ADAP2: variants seen among roughly 807,000 people sequenced by gnomAD.
The protein encoded by ADAP2 is arf-GAP with dual PH domain-containing protein 2.
In ADAP2, 42 loss-of-function variants were observed where a neutral mutation model predicts 54.9. That is an observed-to-expected ratio of 0.77 (90% CI 0.60 to 0.99). The LOEUF is 0.99. ADAP2 is among the 50% of genes least tolerant of loss of function. The probability of loss-of-function intolerance (pLI) is 0.00; values close to 1 mark genes in which losing one functional copy is unlikely to be tolerated. For missense variants in ADAP2, 429 were observed against 480.4 expected (o/e 0.89, Z 1.00); for synonymous variants, 177 against 180.1 (o/e 0.98, Z 0.14).
chr17:30,925,454 G>A (rs1910969124), intron 2 of ADAP2, among the ~76,000 whole-genome samples: 1 of 152,104 alleles, frequency 6.6e-6, no homozygotes, highest in Non-Finnish European at 1.5e-5. Flanking sequence ...GCCTCCCAAA[G>A]TGCTGGGATT....
rs1905054181 is a variant in ADAP2, at chr17:30,956,229, C to T, written c.883-12C>T. On this transcript the variant is annotated splice_polypyrimidine_tract_variant and intron_variant, in intron 9 of 10. Coordinates refer to ENST00000330889, the MANE Select transcript of ADAP2 (RefSeq NM_018404.3). The stretch of plus-strand genomic sequence containing the variant: ...GGGCACCCTCTGATGACCCTGTACT[C>T]TCCATTTTCAGGATGCCTTCGAGCA... 3 of 1,613,654 alleles carry T rather than the reference C, an allele frequency of 1.9e-6. No individual in the cohort carries two copies. The highest frequency in any genetic ancestry group is 2.2e-5 in the South Asian group (2 of 91,068).
chr17:30,938,964 A>C (rs1912073585), intron 5 of ADAP2, among the ~76,000 whole-genome samples: 1 of 152,148 alleles, frequency 6.6e-6, no homozygotes, highest in African/African-American at 2.4e-5. Flanking sequence ...GTACCCCATA[A>C]ATTTGTATAA....
intron 6 of ADAP2, among the ~76,000 whole-genome samples, chr17:30,947,632 C>T (rs1454513475): frequency 1.3e-5 from 2 of 152,150 alleles, no homozygotes; most frequent in African/African-American, 2.4e-5. Flanking sequence ...GGATTACAGG[C>T]GTGAGCCACT....
At chr17:30,952,367 C>T (rs1029473571) in intron 7 of ADAP2, among the ~76,000 whole-genome samples, 1 of 152,112 alleles carries the variant, frequency 6.6e-6, no homozygotes, top group African/African-American at 2.4e-5. Context: ...GCATCATTTT[C>T]TTTTCTTTTT....
chr17:30,949,771 A>G lies in ADAP2; in HGVS notation c.741+401A>G, dbSNP rs527720785. On this transcript the variant is annotated intron_variant, in intron 7 of 10. Coordinates refer to ENST00000330889, the MANE Select transcript of ADAP2 (RefSeq NM_018404.3). ...CTCAAAAAAAAAAAAAAAAAAAAAG[A>G]AGAAGAAGCCAGACTAGTTTTGTTT... 2.1e-5 allele frequency among the ~76,000 whole-genome samples: 3 copies of G among 142,838 alleles called. No homozygotes were observed. In the South Asian group the frequency reaches 6.4e-4, roughly 31 times the overall value. 93.7% of individuals were successfully genotyped at this position (142,838 alleles called of 152,430 possible).
chr17:30,925,726 G>A (rs911362519), intron 2 of ADAP2, among the ~76,000 whole-genome samples: 2 of 151,558 alleles, frequency 1.3e-5, no homozygotes, highest in Admixed American at 6.6e-5. Context: ...CTCCTGAGTA[G>A]CTAGGATTAC....
Position 30,921,987 on chromosome 17 carries a change from G to C in ADAP2, c.-28G>C. 1 of 1,256,076 alleles carries C rather than the reference G, an allele frequency of 8.0e-7. No individual in the cohort carries two copies. The allele number at this position is 1,256,076 out of a possible 1,614,324, so 77.8% of individuals were successfully genotyped here. On this transcript the variant is annotated 5_prime_UTR_variant, in exon 1 of 11. It removes the in-frame stop codon of an upstream open reading frame in the 5' UTR. Transcript: ENST00000330889. ...GGGCGGAGCGCACGGGCCATGGGCT[G>C]AGCCCCGCTGAGCCCGCCGGGCCGG...
chr17:30,931,734 T>C (rs1387301576), intron 3 of ADAP2, among the ~76,000 whole-genome samples, 155 bp from the exon 4 acceptor site: 1 of 151,088 alleles, frequency 6.6e-6, no homozygotes, highest in Non-Finnish European at 1.5e-5. Flanking sequence ...GATGGGAGGA[T>C]CGCCTGGGCC....
intron 3 of ADAP2, among the ~76,000 whole-genome samples, chr17:30,928,954 G>A (rs1911282596): frequency 6.6e-6 from 1 of 152,216 alleles, no homozygotes; most frequent in Non-Finnish European, 1.5e-5. Context: ...ACAGAAAGCA[G>A]CTGCATTTCA....
At chr17:30,926,144 C>G (rs1303384886) in intron 2 of ADAP2, among the ~76,000 whole-genome samples, 2 of 152,182 alleles carry the variant, frequency 1.3e-5, no homozygotes, top group African/African-American at 4.8e-5. Flanking sequence ...GCCTAGCGGC[C>G]CCTGCAGAGG....
chr17:30,931,965 C>T lies in ADAP2; in HGVS notation c.394C>T (p.Pro132Ser). The T allele has an allele frequency of 6.2e-7, 1 of 1,613,666 alleles. No individual in the cohort carries two copies. The highest frequency in any genetic ancestry group is 1.1e-5 in the South Asian group (1 of 91,072). ...FMADGETISL[P>S]GNREGFLWKR... ...GGCTGATGGGGAAACCATCTCGCTCCCAGGTAAAGTTATTTCCATCACCTT... is the reference window on the plus strand; with the variant it reads ...GGCTGATGGGGAAACCATCTCGCTCTCAGGTAAAGTTATTTCCATCACCTT... The change falls in exon 4 of 11, where the codon CCA becomes TCA. Residue 132 changes from proline (P) to serine (S), a missense_variant. Pro to Ser is a moderately conservative substitution (Grantham distance 74). Transcript: ENST00000330889.
At position 30,931,961 on chromosome 17, in the gene ADAP2, G is replaced by A. The variant is rs773941280; in HGVS notation, c.390G>A (p.Ser130=). 4 of 1,613,382 alleles carry A rather than the reference G, an allele frequency of 2.5e-6. No individual in the cohort carries two copies. Among genetic ancestry groups the A allele is most frequent in the South Asian group, 1.1e-5 (1 of 91,064 alleles). Reference sequence around the variant, plus strand: ...TTATGGCTGATGGGGAAACCATCTCGCTCCCAGGTAAAGTTATTTCCATCA... The same window carrying A: ...TTATGGCTGATGGGGAAACCATCTCACTCCCAGGTAAAGTTATTTCCATCA... ...REFMADGETI[S]LPGNREGFLW... Residue 130 remains serine, a synonymous_variant, in exon 4 of 11, where the codon TCG becomes TCA. Coordinates refer to ENST00000330889, the MANE Select transcript of ADAP2 (RefSeq NM_018404.3).
rs777537718 is a variant in ADAP2, at chr17:30,953,308, G to C, written c.762G>C (p.Arg254Ser). 4 of 1,614,000 alleles carry C rather than the reference G, an allele frequency of 2.5e-6. No homozygotes were observed. Among genetic ancestry groups the C allele is most frequent in the South Asian group, 1.1e-5 (1 of 91,062 alleles). The part of the protein sequence containing the change: ...PESELVPFLT[R>S]NYLKQGFMEK... ...CCCAGCTCGTGCCATTCCTCACCAG[G>C]AACTACCTCAAACAAGGCTTCATGG... The change falls in exon 8 of 11, where the codon AGG becomes AGC. Residue 254 changes from arginine to serine, a missense_variant. Arg to Ser is a moderately radical substitution (Grantham distance 110, BLOSUM62 -1). Transcript: ENST00000330889.
At chr17:30,949,202 C>T (rs570298715) in intron 6 of ADAP2, 85 bp from the exon 7 acceptor site, 162 of 1,119,392 alleles carry the variant, frequency 1.4e-4, no homozygotes, top group Non-Finnish European at 2.1e-4. Flanking sequence ...CACCCAATGC[C>T]CAGCTAGCTT....
intron 3 of ADAP2, among the ~76,000 whole-genome samples, chr17:30,928,346 A>G (rs929577254): frequency 1.3e-5 from 2 of 151,998 alleles, no homozygotes; most frequent in African/African-American, 4.8e-5. Context: ...AAATTAAAAA[A>G]TTAGCTGGGC....
At chr17:30,943,437 C>T (rs1256507769) in intron 5 of ADAP2, among the ~76,000 whole-genome samples, 2 of 151,924 alleles carry the variant, frequency 1.3e-5, no homozygotes, top group African/African-American at 2.4e-5. Flanking sequence ...CATGTATTTT[C>T]ATCGCAGCAC....
chr17:30,944,726 C>T (rs1227981064), intron 5 of ADAP2, among the ~76,000 whole-genome samples, 181 bp from the exon 6 acceptor site: 7 of 152,096 alleles, frequency 4.6e-5, no homozygotes, highest in African/African-American at 1.4e-4. Flanking sequence ...TCCCAAAGTG[C>T]TGGGATTACA....
intron 3 of ADAP2, 135 bp downstream of exon 3, chr17:30,927,053 C>A: frequency 1.5e-6 from 1 of 668,338 alleles, no homozygotes; most frequent in South Asian, 1.8e-5. Context: ...CAGGAAAGCA[C>A]TGGATACCAT....
chr17:30,937,078 C>T (rs1042405571), intron 5 of ADAP2, among the ~76,000 whole-genome samples: 6 of 152,018 alleles, frequency 3.9e-5, no homozygotes, highest in African/African-American at 1.4e-4. Context: ...CAGGCGCGCA[C>T]CACCATGCCT....
Sources: allele counts gnomAD v4.1 joint callset (sites outside exome capture counted in the v4.1 genomes callset), GRCh38; gene constraint gnomAD v4.1.1; transcripts MANE v1.5; gene names NCBI Gene and HGNC (gene_info 2026-07-23, HGNC 2026-07-21).